MS4A18: variants seen among roughly 807,000 people sequenced by gnomAD.
The protein encoded by MS4A18 is membrane spanning 4-domains A18, also known as membrane-spanning 4-domains subfamily A member 18.
In MS4A18, 27 loss-of-function variants were observed where a neutral mutation model predicts 13.1. The ratio of observed to expected loss-of-function variants is 2.06; its 90% CI spans 1.52 to 2.84. The LOEUF (loss-of-function observed/expected upper bound fraction) is 2.84, where lower values mean the gene tolerates loss of function less well. Ranked by LOEUF, MS4A18 falls within the 30% of genes most tolerant of loss-of-function variation. MS4A18 has a pLI of 0.00. For missense variants in MS4A18, 307 were observed against 196.4 expected (o/e 1.56, Z -3.37); for synonymous variants, 126 against 76.5 (o/e 1.65, Z -3.38).
upstream of MS4A18, among the ~76,000 whole-genome samples, chr11:60,727,738 A>G (rs1437677318): frequency 6.6e-6 from 1 of 152,188 alleles, no homozygotes; most frequent in African/African-American, 2.4e-5. Flanking sequence ...CACAACAATT[A>G]ACAAGTAAAG....
chr11:60,736,316 T>G (rs1048256979), intron 2 of MS4A18, among the ~76,000 whole-genome samples: 1 of 150,000 alleles, frequency 6.7e-6, no homozygotes, highest in African/African-American at 2.5e-5. Context: ...CAGCACTTTC[T>G]GGCTATGAGG....
chr11:60,743,462 A>G (rs965634554), intron 5 of MS4A18, among the ~76,000 whole-genome samples, 188 bp from the exon 7 acceptor site: 4 of 152,250 alleles, frequency 2.6e-5, no homozygotes, highest in African/African-American at 9.6e-5. Context: ...GCAAGCTCCA[A>G]TGGGCAGACA....
exon 6 of MS4A18, chr11:60,743,852 G>A (rs2134683787): frequency 1.4e-6 from 1 of 703,126 alleles, no homozygotes; most frequent in African/African-American, 1.7e-5. Context: ...GTTACCACTG[G>A]TCCTGTCAAT....
chr11:60,737,323 G>T (rs1403317027), intron 3 of MS4A18, among the ~76,000 whole-genome samples: 1 of 152,188 alleles, frequency 6.6e-6, no homozygotes, highest in African/African-American at 2.4e-5. Flanking sequence ...TTCCAAAGCT[G>T]TTCTTTTTTA....
chr11:60,733,530 G>A lies in MS4A18; in HGVS notation c.478-4G>A, dbSNP rs748804366. On this transcript the variant is annotated splice_polypyrimidine_tract_variant and splice_region_variant and intron_variant, in intron 1 of 5. Transcript: ENST00000529108. ...TCTCTCACAGTGACTTGTTCTCCCT[G>A]CAGGCCATCCAGATCCTCATCGGCC... The A allele has an allele frequency of 1.4e-6, 1 of 703,206 alleles. No homozygotes were observed. The highest frequency in any genetic ancestry group is 1.5e-5 in the South Asian group (1 of 67,600). 43.6% of individuals were successfully genotyped at this position (703,206 alleles called of 1,614,324 possible). A position where few individuals can be genotyped will look rare whatever the true frequency, so the allele number is the denominator to read the frequency against.
rs1425337791 is a variant in MS4A18 at position 60,743,601 on chromosome 11, G to A, written c.859-49G>A. The A allele has an allele frequency of 1.9e-5, 13 of 680,856 alleles. No homozygotes were observed. The East Asian group carries it at 2.4e-4, about 13-fold the overall frequency. The allele number at this position is 680,856 out of a possible 1,614,324, so 42.2% of individuals were successfully genotyped here. A position where few individuals can be genotyped will look rare whatever the true frequency, so the allele number is the denominator to read the frequency against. On this transcript the variant is annotated intron_variant, in intron 5 of 5. Coordinates refer to ENST00000529108, the Ensembl canonical transcript of MS4A18. ...GAAGAAAAAAATTATGGCCATTGTT[G>A]TTGTTTACTACAGAGGAAGATGACG...
At chr11:60,740,421 C>A (rs1165949213) in intron 4 of MS4A18, among the ~76,000 whole-genome samples, 1 of 152,152 alleles carries the variant, frequency 6.6e-6, no homozygotes, top group Admixed American at 6.5e-5. Flanking sequence ...CTCTGAGGTC[C>A]CATCCCAACC....
rs1853407435 is a variant in MS4A18, at chr11:60,741,057, C to CT, written c.774dup (p.Leu259SerfsTer28). 1 of 703,040 alleles carries CT rather than the reference C, an allele frequency of 1.4e-6. No individual in the cohort carries two copies. The highest frequency in any genetic ancestry group is 2.6e-6 in the Non-Finnish European group (1 of 385,016). 43.6% of individuals were successfully genotyped at this position (703,040 alleles called of 1,614,324 possible). A position where few individuals can be genotyped will look rare whatever the true frequency, so the allele number is the denominator to read the frequency against. Reference sequence around the variant, plus strand: ...ATATTCAAAGGCGGTTTCTGGCGGTCTTCTCCCCTTTGCCCTCCTGGAGTT... The same window carrying CT: ...ATATTCAAAGGCGGTTTCTGGCGGTCTTTCTCCCCTTTGCCCTCCTGGAGTT... On this transcript the variant is annotated frameshift_variant, in exon 5 of 6. Coordinates refer to ENST00000529108, the Ensembl canonical transcript of MS4A18. LOFTEE classifies it high-confidence loss of function.
rs970327429 is a variant in MS4A18 at position 60,730,399 on chromosome 11, C to T, written c.477+607C>T. Among the ~76,000 whole-genome samples, 203 of 152,294 alleles carry T rather than the reference C, an allele frequency of 1.3e-3. 2 individuals are homozygous for T. The highest frequency in any genetic ancestry group is 4.6e-3 in the African/African-American group (192 of 41,556). Reference sequence around the variant, plus strand: ...GGCCAACTCTTAGTATGGAGACTGGCGTGTCACAGATGCCCATACTCTATG... The same window carrying T: ...GGCCAACTCTTAGTATGGAGACTGGTGTGTCACAGATGCCCATACTCTATG... On this transcript the variant is annotated intron_variant, in intron 1 of 5. Transcript: ENST00000529108.
At chr11:60,737,710 C>T (rs1853361528) in intron 3 of MS4A18, among the ~76,000 whole-genome samples, 1 of 152,176 alleles carries the variant, frequency 6.6e-6, no homozygotes, top group Non-Finnish European at 1.5e-5. Context: ...CTTCTCTCAT[C>T]TCCTTCCTTC....
chr11:60,742,324 G>A (rs1853423217), intron 5 of MS4A18, among the ~76,000 whole-genome samples: 1 of 152,164 alleles, frequency 6.6e-6, no homozygotes, highest in Middle Eastern at 3.2e-3. Context: ...GAGCCCCAAA[G>A]GTCTTTTTGT....
At position 60,741,014 on chromosome 11, in the gene MS4A18, TTC is replaced by T; in HGVS notation, c.745-12_745-11del. ...ACCTGAAGGACTAAATGCCTTCCAT[TTC>T]TCTTTGCCTTTAGACATATTCAAAG... On this transcript the variant is annotated splice_polypyrimidine_tract_variant and intron_variant, in intron 4 of 5. Transcript: ENST00000529108. 1.4e-6 allele frequency: 1 copy of T among 703,034 alleles called. No homozygotes were observed. The highest frequency in any genetic ancestry group is 2.6e-6 in the Non-Finnish European group (1 of 384,990). The allele number at this position is 703,034 out of a possible 1,614,324, so 43.5% of individuals were successfully genotyped here. A position where few individuals can be genotyped will look rare whatever the true frequency, so the allele number is the denominator to read the frequency against.
At chr11:60,741,110 T>C (rs1410798542) in exon 5 of MS4A18, 1 of 703,058 alleles carries the variant, frequency 1.4e-6, no homozygotes. Flanking sequence ...TCTCACATTT[T>C]GGGTGCCAGG....
At chr11:60,736,076 A>G (rs956192466) in intron 2 of MS4A18, among the ~76,000 whole-genome samples, 2 of 152,124 alleles carry the variant, frequency 1.3e-5, no homozygotes, top group Admixed American at 6.5e-5. Flanking sequence ...ATTTGCATGC[A>G]GCTGGCTCTT....
chr11:60,729,253 A>G (rs1376674190), upstream of MS4A18: 1 of 662,192 alleles, frequency 1.5e-6, no homozygotes, highest in African/African-American at 1.8e-5. Flanking sequence ...GATAAGATGC[A>G]TTATTCATTT....
chr11:60,739,930 G>T (rs1005628254), intron 4 of MS4A18, among the ~76,000 whole-genome samples: 5 of 152,194 alleles, frequency 3.3e-5, no homozygotes, highest in Admixed American at 1.3e-4. Flanking sequence ...AGGACACAGG[G>T]TCTTAAACCA....
upstream of MS4A18, among the ~76,000 whole-genome samples, chr11:60,727,009 A>G (rs1853171084): frequency 6.6e-6 from 1 of 151,000 alleles, no homozygotes; most frequent in South Asian, 2.1e-4. Flanking sequence ...ACTCCCACTT[A>G]TGTTTGGTTT....
At chr11:60,728,107 A>G (rs963844946), upstream of MS4A18, among the ~76,000 whole-genome samples, 1 of 152,224 alleles carries the variant, frequency 6.6e-6, no homozygotes, top group Non-Finnish European at 1.5e-5. Context: ...ACCAACATGG[A>G]CAAGACCCAT....
intron 4 of MS4A18, among the ~76,000 whole-genome samples, chr11:60,739,281 G>A (rs553934611): frequency 6.6e-5 from 10 of 152,102 alleles, no homozygotes; most frequent in Admixed American, 3.9e-4. Context: ...CCAGGTAAGC[G>A]GCCTAGGGGG....
Sources: gnomAD v4.1 joint callset for allele counts (sites outside exome capture counted in the v4.1 genomes callset) on GRCh38, gnomAD v4.1.1 for gene constraint, MANE v1.5 for transcripts, NCBI Gene and HGNC (gene_info 2026-07-23, HGNC 2026-07-21) for gene names.